The following MYBPC3 variants were observed in gnomAD, a reference collection of about 807,000 sequenced individuals.
MYBPC3 encodes the protein myosin-binding protein C, cardiac-type.
Under a neutral mutation model 159.3 loss-of-function variants are expected in MYBPC3, and 108 were observed. The ratio of observed to expected loss-of-function variants is 0.68; its 90% CI spans 0.58 to 0.80. MYBPC3 has a LOEUF of 0.80. Among genes scored for constraint, MYBPC3 ranks in the 30% least tolerant of loss-of-function variants. The pLI is 0.00. For synonymous variants in MYBPC3, 730 were observed against 702.0 expected (o/e 1.04, Z -0.63); for missense variants, 1,631 against 1,762.1 (o/e 0.93, Z 1.33).
In MYBPC3 at chr11:47,332,550, G is replaced by A. The variant is rs775121128; in HGVS notation, c.3627+16C>T. The A allele has an allele frequency of 2.7e-5, 43 of 1,600,224 alleles. No homozygotes were observed. The highest frequency in any genetic ancestry group is 8.0e-5 in the African/African-American group (6 of 74,598). On this transcript the variant is annotated intron_variant, in intron 32 of 34. Coordinates refer to ENST00000545968, the MANE Select transcript of MYBPC3 (RefSeq NM_000256.3). The surrounding 1 kb of genome is among the most constrained non-coding windows in gnomAD (Gnocchi z 4.2). ...TGCCTCCTGGTCGGCCTGGACCAGC[G>A]CCTAAAGTTCCCTACCTTGGGGCTA... is the stretch of plus-strand genomic sequence containing the variant.
intron 1 of MYBPC3, 96 bp downstream of exon 1, chr11:47,352,527 C>T (rs958873766): frequency 7.3e-6 from 11 of 1,515,090 alleles, no homozygotes; most frequent in East Asian, 2.6e-5. Flanking sequence ...GCCACGTCCT[C>T]GTCAACCCCC....
intron 25 of MYBPC3, 64 bp from the exon 26 acceptor site, chr11:47,336,075 T>C: frequency 7.3e-7 from 1 of 1,362,526 alleles, no homozygotes; most frequent in Non-Finnish European, 9.5e-7. Context: ...ATCCATGCCC[T>C]AGACTCTGAA....
chr11:47,332,565 C>A lies in MYBPC3; in HGVS notation c.3627+1G>T. 1 of 1,605,646 alleles carries A rather than the reference C, an allele frequency of 6.2e-7. No homozygotes were observed. The highest frequency in any genetic ancestry group is 8.5e-7 in the Non-Finnish European group (1 of 1,173,668). ...CTGGACCAGCGCCTAAAGTTCCCTA[C>A]CTTGGGGCTACCCCGGACAGCACAG... On this transcript the variant is annotated splice_donor_variant, in intron 32 of 34. Coordinates refer to ENST00000545968, the MANE Select transcript of MYBPC3 (RefSeq NM_000256.3). LOFTEE classifies it high-confidence loss of function. The surrounding 1 kb of genome is among the most constrained non-coding windows in gnomAD (Gnocchi z 4.2).
rs1293844338 is a variant in MYBPC3 at position 47,338,666 on chromosome 11, G to A, written c.2162C>T (p.Thr721Ile). The change falls in exon 23 of 35, where the codon ACC (threonine) becomes ATC (isoleucine). Residue 721 changes from threonine (T) to isoleucine (I), a missense_variant. By Grantham distance (89) the Thr-to-Ile change is moderately conservative. Transcript: ENST00000545968. This position sits in a 1 kb window ranked among gnomAD's most constrained non-coding sequence, Gnocchi z 4.7. ...GGTCTCCACGCGGACCCGGCCCTCG[G>A]TCTCACACAGCAGCTGGGGGGGTGC... The part of the protein sequence containing the change: ...WVFDKKLLCE[T>I]EGRVRVETTK... The A allele has an allele frequency of 1.2e-6, 2 of 1,612,358 alleles. No individual in the cohort carries two copies. Among genetic ancestry groups the A allele is most frequent in the Admixed American group, 1.7e-5 (1 of 59,904 alleles).
At chr11:47,331,805 C>T (rs1183009914) in intron 34 of MYBPC3, 40 bp downstream of exon 34, 6 of 1,571,348 alleles carry the variant, frequency 3.8e-6, no homozygotes, top group Non-Finnish European at 4.3e-6. Flanking sequence ...GGCCAGGGCT[C>T]AGCCACTGAC....
At chr11:47,352,112 A>G (rs1595850989) in intron 1 of MYBPC3, among the ~76,000 whole-genome samples, 1 of 151,910 alleles carries the variant, frequency 6.6e-6, no homozygotes, top group East Asian at 1.9e-4. Context: ...CACCCTCAAC[A>G]TGGGGGCCAC....
chr11:47,342,303 A>G (rs1595846035), intron 17 of MYBPC3, 147 bp from the exon 18 acceptor site: 6 of 1,145,006 alleles, frequency 5.2e-6, no homozygotes, highest in Non-Finnish European at 7.3e-6. Flanking sequence ...TGTGTGTGCC[A>G]TGTTTGCCTG....
At position 47,339,248 on chromosome 11, in the gene MYBPC3, G is replaced by A. The variant is rs956045524; in HGVS notation, c.2148+76C>T. 1.2e-5 allele frequency: 19 copies of A among 1,533,026 alleles called. No homozygotes were observed. The East Asian group carries it at 2.7e-4, about 22-fold the overall frequency. The allele number at this position is 1,533,026 out of a possible 1,614,324, so 95.0% of individuals were successfully genotyped here. ...AGTGTGGCACCTCCATGGAGACCTC[G>A]CCAAGGGCTCGGCACCACGTAGGTA... On this transcript the variant is annotated intron_variant, in intron 22 of 34. Coordinates refer to ENST00000545968, the MANE Select transcript of MYBPC3 (RefSeq NM_000256.3).
intron 9 of MYBPC3, 89 bp from the exon 10 acceptor site, chr11:47,347,118 G>T: frequency 8.0e-7 from 1 of 1,256,496 alleles, no homozygotes; most frequent in Non-Finnish European, 1.1e-6. Context: ...GGGCCGACCT[G>T]GTAGACCCTG....
Position 47,350,000 on chromosome 11 carries a change from CA to C in MYBPC3, c.505+13del. 6.4e-7 allele frequency: 1 copy of C among 1,560,126 alleles called. No homozygotes were observed. On this transcript the variant is annotated intron_variant, in intron 4 of 34. Transcript: ENST00000545968. Reference sequence around the variant, plus strand: ...CTTCCCACCCCAATGCTGGGCACAGCAGCTCACACTCACCCACGGTCACCTC... The same window carrying C: ...CTTCCCACCCCAATGCTGGGCACAGCGCTCACACTCACCCACGGTCACCTC...
intron 29 of MYBPC3, 43 bp from the exon 30 acceptor site, chr11:47,333,376 G>A: frequency 6.6e-7 from 1 of 1,520,768 alleles, no homozygotes; most frequent in Non-Finnish European, 8.9e-7. Flanking sequence ...CCTCCTGACA[G>A]TGAGCAGGGG....
chr11:47,339,359 T>C lies in MYBPC3; in HGVS notation c.2113A>G (p.Thr705Ala), dbSNP rs2059051476. ...ARPAPDAPEDTGDSDEWVFDK... is the reference protein window; with the variant it reads ...ARPAPDAPEDAGDSDEWVFDK... The stretch of plus-strand genomic sequence containing the variant: ...AACACCCACTCATCGCTGTCACCTG[T>C]GTCCTCTGGGGCATCTGGGGCTGGC... The change falls in exon 22 of 35, where the codon ACA (threonine) becomes GCA (alanine). Residue 705 changes from threonine (T) to alanine (A), a missense_variant. Physicochemically the swap from Thr to Ala is moderately conservative, Grantham distance 58. Coordinates refer to ENST00000545968, the MANE Select transcript of MYBPC3 (RefSeq NM_000256.3). The C allele has an allele frequency of 1.9e-6, 3 of 1,614,044 alleles. No homozygotes were observed. The highest frequency in any genetic ancestry group is 3.3e-5 in the Admixed American group (2 of 60,028).
chr11:47,349,965 G>T, intron 4 of MYBPC3, 43 bp from the exon 5 acceptor site: 1 of 1,567,354 alleles, frequency 6.4e-7, no homozygotes, highest in Admixed American at 1.9e-5. Context: ...GGAGTGTCCT[G>T]CTGCCCCCCC....
chr11:47,342,965 GCTCCCCTGAGGCCAT>G, intron 15 of MYBPC3, 30 bp from the exon 16 acceptor site: 1 of 1,611,448 alleles, frequency 6.2e-7, no homozygotes, highest in Non-Finnish European at 8.5e-7. Flanking sequence ...ATGAGGGTTG[GCTCCCCTGAGGCCAT>G]CTCCTCCCCA....
rs369864892 is a variant in MYBPC3, at chr11:47,349,757, G to C, written c.654+17C>G. ...ATGTCCCCTCTCTCCGTGTCTCCAC[G>C]ACCCCGGTGGACCCACCTTGCTGGC... On this transcript the variant is annotated intron_variant, in intron 5 of 34. Coordinates refer to ENST00000545968, the MANE Select transcript of MYBPC3 (RefSeq NM_000256.3). The C allele has an allele frequency of 1.3e-6, 2 of 1,599,784 alleles. No homozygotes were observed. Among genetic ancestry groups the C allele is most frequent in the African/African-American group, 1.3e-5 (1 of 75,002 alleles).
intron 3 of MYBPC3, 116 bp from the exon 4 acceptor site, chr11:47,350,228 A>G (rs904824551): frequency 3.2e-6 from 4 of 1,267,274 alleles, no homozygotes; most frequent in African/African-American, 1.5e-5. Flanking sequence ...GGTTCACACC[A>G]TTCTCCTGCC....
chr11:47,340,150 CACAG>C (rs1391498169), intron 20 of MYBPC3, among the ~76,000 whole-genome samples: 1 of 151,954 alleles, frequency 6.6e-6, no homozygotes, highest in African/African-American at 2.4e-5. Context: ...TACACATACA[CACAG>C]ACACACATAC....
chr11:47,333,499 C>G, intron 29 of MYBPC3, 58 bp downstream of exon 29: 21 of 1,591,016 alleles, frequency 1.3e-5, no homozygotes, highest in Non-Finnish European at 1.5e-5. Context: ...CCCTTGGCCC[C>G]AGCAGCCCAG....
At chr11:47,345,438 G>C (rs900984831) in intron 12 of MYBPC3, among the ~76,000 whole-genome samples, 1 of 152,156 alleles carries the variant, frequency 6.6e-6, no homozygotes, top group African/African-American at 2.4e-5. Context: ...CCGTCCCCAT[G>C]ATCGTGTGTG....
Sources: allele counts gnomAD v4.1 joint callset (sites outside exome capture counted in the v4.1 genomes callset), GRCh38; gene constraint gnomAD v4.1.1; non-coding constraint Gnocchi (gnomAD v3.1); transcripts MANE v1.5; gene names NCBI Gene and HGNC (gene_info 2026-07-23, HGNC 2026-07-21).